The following WDFY4 variants were observed in gnomAD, a reference collection of about 807,000 sequenced individuals.
WDFY4 encodes the protein WDFY family member 4.
Under a neutral mutation model 351.9 loss-of-function variants are expected in WDFY4, and 169 were observed. The observed-to-expected ratio is 0.48, with a 90% CI of 0.42 to 0.55. The LOEUF (loss-of-function observed/expected upper bound fraction) is 0.55, where lower values mean the gene tolerates loss of function less well. Among genes scored for constraint, WDFY4 ranks in the 20% least tolerant of loss-of-function variants. The probability of loss-of-function intolerance (pLI) is 0.00; values close to 1 mark genes in which losing one functional copy is unlikely to be tolerated. For missense variants in WDFY4, 3,803 were observed against 3,935.6 expected (o/e 0.97, Z 0.90); for synonymous variants, 1,622 against 1,574.6 (o/e 1.03, Z -0.71).
chr10:48,936,942 A>G lies in WDFY4; in HGVS notation c.7587-4864A>G, dbSNP rs140175302. Among the ~76,000 whole-genome samples the G allele has an allele frequency of 4.8e-3, 729 of 150,370 alleles. 3 individuals are homozygous for G. The highest frequency in any genetic ancestry group is 0.017 in the African/African-American group (701 of 41,300). ...ACTTCAGGTTTTGTTTTTTTGAGAC[A>G]TAGTCTCACTCTTGTCACCCAGGCT... On this transcript the variant is annotated intron_variant, in intron 47 of 61. Coordinates refer to ENST00000325239, the MANE Select transcript of WDFY4 (RefSeq NM_001394531.1).
chr10:48,982,457 G>C, intron 61 of WDFY4, 52 bp from the exon 62 acceptor site: 1 of 1,433,430 alleles, frequency 7.0e-7, no homozygotes, highest in Non-Finnish European at 9.3e-7. Context: ...TGCTGGCGGG[G>C]ACAAGTGGTA....
intron 1 of WDFY4, among the ~76,000 whole-genome samples, chr10:48,692,797 G>A (rs546762447): frequency 1.3e-4 from 20 of 152,170 alleles, no homozygotes; most frequent in African/African-American, 2.2e-4. Flanking sequence ...CCTGCTGCCC[G>A]CTGTCTGCCT....
chr10:48,807,935 C>T lies in WDFY4; in HGVS notation c.4815C>T (p.Ser1605=). 1 of 1,547,802 alleles carries T rather than the reference C, an allele frequency of 6.5e-7. No homozygotes were observed. The highest frequency in any genetic ancestry group is 8.7e-7 in the Non-Finnish European group (1 of 1,145,592). The change falls in exon 28 of 62, where the codon TCC becomes TCT. Residue 1605 remains serine, a synonymous_variant. Transcript: ENST00000325239. The part of the protein sequence containing the change: ...LLEMLLSVIS[S]PQLHLSSESK... ...AGATGCTGCTCAGTGTAATATCTTCCCCCCAGCTTCATCTGTCCTCTGAGT... is the reference window on the plus strand; with the variant it reads ...AGATGCTGCTCAGTGTAATATCTTCTCCCCAGCTTCATCTGTCCTCTGAGT...
At chr10:48,800,592 G>A (rs2132829067) in intron 24 of WDFY4, among the ~76,000 whole-genome samples, 1 of 152,258 alleles carries the variant, frequency 6.6e-6, no homozygotes, top group African/African-American at 2.4e-5. Context: ...TGGATAGGAA[G>A]TTGTAAGGCA....
In WDFY4 at chr10:48,942,375, T is replaced by C. The variant is rs1394088705; in HGVS notation, c.7629+527T>C. 1.7e-4 allele frequency among the ~76,000 whole-genome samples: 4 copies of C among 22,860 alleles called. No individual in the cohort carries two copies. The East Asian group carries it at 0.033, about 190-fold the overall frequency. 15.0% of individuals were successfully genotyped at this position (22,860 alleles called of 152,430 possible). A position where few individuals can be genotyped will look rare whatever the true frequency, so the allele number is the denominator to read the frequency against. Reference sequence around the variant, plus strand: ...GAGTCAGAGCTGGGGAATGTGCGTGTGTGCGTGTGTGTGTGTGTGCGCGCA... The same window carrying C: ...GAGTCAGAGCTGGGGAATGTGCGTGCGTGCGTGTGTGTGTGTGTGCGCGCA... On this transcript the variant is annotated intron_variant, in intron 48 of 61. Transcript: ENST00000325239.
At chr10:48,721,223 AGGTC>A (rs1358562824) in intron 3 of WDFY4, 34 bp from the exon 4 acceptor site, 2 of 1,537,274 alleles carry the variant, frequency 1.3e-6, no homozygotes, top group Non-Finnish European at 8.8e-7. Flanking sequence ...CTGAGTGGGC[AGGTC>A]GCTGTATGCC....
intron 47 of WDFY4, among the ~76,000 whole-genome samples, chr10:48,910,508 C>T (rs761962145): frequency 6.6e-6 from 1 of 152,142 alleles, no homozygotes; most frequent in Non-Finnish European, 1.5e-5. Context: ...GAAGGAACAC[C>T]AACATCAAAC....
At chr10:48,965,946 G>A (rs921052010) in intron 54 of WDFY4, among the ~76,000 whole-genome samples, 4 of 152,118 alleles carry the variant, frequency 2.6e-5, no homozygotes, top group Admixed American at 1.3e-4. Flanking sequence ...TCATGCTCAG[G>A]GCTTGGCTTG....
At chr10:48,783,558 T>C (rs1033635599) in intron 19 of WDFY4, among the ~76,000 whole-genome samples, 15 of 151,656 alleles carry the variant, frequency 9.9e-5, no homozygotes, top group African/African-American at 2.7e-4. Context: ...AGTGATTTTA[T>C]AGTAATTATA....
At chr10:48,867,500 A>G (rs1239704057) in intron 40 of WDFY4, among the ~76,000 whole-genome samples, 158 bp downstream of exon 40, 1 of 152,238 alleles carries the variant, frequency 6.6e-6, no homozygotes, top group Admixed American at 6.5e-5. Context: ...ATGGGTTGCC[A>G]CTGACAAGGG....
chr10:48,802,496 C>A (rs971811190), intron 24 of WDFY4, among the ~76,000 whole-genome samples: 1 of 152,160 alleles, frequency 6.6e-6, no homozygotes, highest in Non-Finnish European at 1.5e-5. Context: ...CTTATAATCC[C>A]ACACCTGAAC....
intron 47 of WDFY4, chr10:48,913,243 C>T (rs190862667): frequency 1.3e-6 from 1 of 746,044 alleles, no homozygotes; most frequent in African/African-American, 1.7e-5. Flanking sequence ...CAATCACACG[C>T]CGAGAAAGTA....
At chr10:48,939,301 C>T (rs1480601445) in intron 47 of WDFY4, among the ~76,000 whole-genome samples, 2 of 152,248 alleles carry the variant, frequency 1.3e-5, no homozygotes, top group African/African-American at 2.4e-5. Flanking sequence ...TAGCTCCGTG[C>T]CCACACCAAT....
rs1228605113 is a variant in WDFY4, at chr10:48,969,126, A to G, written c.8647A>G (p.Thr2883Ala). 4 of 1,551,624 alleles carry G rather than the reference A, an allele frequency of 2.6e-6. No individual in the cohort carries two copies. The African/African-American group carries it at 5.5e-5, about 21-fold the overall frequency. ...AGGGGCCATTGGCCACATTGTCTCT[A>G]CTGAGAAGACCATTCTGGCTGTAGA... ...PKGAIGHIVS[T>A]EKTILAVERN... The change falls in exon 56 of 62, where the codon ACT becomes GCT. Residue 2883 changes from threonine (T) to alanine (A), a missense_variant. Transcript: ENST00000325239.
chr10:48,937,443 G>A (rs74130405), intron 47 of WDFY4, among the ~76,000 whole-genome samples: 3,629 of 152,196 alleles, frequency 0.024, 155 homozygotes, highest in African/African-American at 0.083. Context: ...TCAGCGTGTC[G>A]GTGTTTATGC....
intron 47 of WDFY4, among the ~76,000 whole-genome samples, chr10:48,918,776 G>C (rs1441936611): frequency 1.3e-5 from 2 of 152,174 alleles, no homozygotes; most frequent in Non-Finnish European, 2.9e-5. Flanking sequence ...AGGGCTTGGG[G>C]GAAGACCTGC....
At chr10:48,690,702 C>CTA (rs2063169673) in intron 1 of WDFY4, among the ~76,000 whole-genome samples, 1 of 152,136 alleles carries the variant, frequency 6.6e-6, no homozygotes, top group South Asian at 2.1e-4. Flanking sequence ...GCTGGTCCTC[C>CTA]TATAATCTTC....
chr10:48,880,952 T>C (rs1479050941), intron 43 of WDFY4, among the ~76,000 whole-genome samples: 1 of 152,194 alleles, frequency 6.6e-6, no homozygotes. Flanking sequence ...GTAAAAACCC[T>C]GCCCAATTCT....
intron 60 of WDFY4, among the ~76,000 whole-genome samples, chr10:48,980,343 G>A (rs1842758579): frequency 6.6e-6 from 1 of 152,170 alleles, no homozygotes; most frequent in South Asian, 2.1e-4. Flanking sequence ...ATTGGGCATG[G>A]CACGTGGATA....
Sources: gnomAD v4.1 joint callset for allele counts (sites outside exome capture counted in the v4.1 genomes callset) on GRCh38, gnomAD v4.1.1 for gene constraint, MANE v1.5 for transcripts, NCBI Gene and HGNC (gene_info 2026-07-23, HGNC 2026-07-21) for gene names.